EIF4G3: variants seen among roughly 807,000 people sequenced by gnomAD.
EIF4G3 encodes eukaryotic translation initiation factor 4 gamma 3.
EIF4G3 carries 34 observed loss-of-function variants against 186.4 expected under a neutral mutation model. The ratio of observed to expected loss-of-function variants is 0.18; its 90% confidence interval spans 0.14 to 0.24. The LOEUF is 0.24. EIF4G3 is among the 10% of genes least tolerant of loss of function. EIF4G3 has a pLI of 1.00. For missense variants in EIF4G3, 1,536 were observed against 1,948.5 expected, an observed-to-expected ratio of 0.79 and a Z score of 3.99; for synonymous variants, 673 against 679.5, an observed-to-expected ratio of 0.99 and a Z score of 0.15.
At chr1:21,079,701 A>C (rs1027169788) in intron 3 of EIF4G3, among the ~76,000 whole-genome samples, 3 of 151,460 alleles carry the variant, frequency 2.0e-5, no homozygotes, top group Non-Finnish European at 4.4e-5. Flanking sequence ...AAAAAAAAAA[A>C]AACTCATGAA....
At chr1:20,923,380 C>CT (rs2154560182) in intron 14 of EIF4G3, among the ~76,000 whole-genome samples, 1 of 152,216 alleles carries the variant, frequency 6.6e-6, no homozygotes, top group South Asian at 2.1e-4. Context: ...TTCTAGGCCT[C>CT]TGTTTTTACT....
intron 15 of EIF4G3, among the ~76,000 whole-genome samples, chr1:20,904,403 T>C (rs2154557186): frequency 6.6e-6 from 1 of 152,300 alleles, no homozygotes; most frequent in South Asian, 2.1e-4. Flanking sequence ...TGGAGTGCAG[T>C]GGCATGATCA....
chr1:21,113,783 A>G (rs2096769701), intron 2 of EIF4G3, among the ~76,000 whole-genome samples: 1 of 152,170 alleles, frequency 6.6e-6, no homozygotes, highest in African/African-American at 2.4e-5. Flanking sequence ...TGGGAGGCTG[A>G]GGCAGGAGGA....
intron 3 of EIF4G3, among the ~76,000 whole-genome samples, chr1:21,084,231 T>TAAA (rs763945357): frequency 1.5e-5 from 2 of 131,254 alleles, no homozygotes; most frequent in East Asian, 2.1e-4. Flanking sequence ...CTGTGTAATT[T>TAAA]AAAAAAAAAA....
chr1:20,945,662 C>T (rs1469123683), intron 13 of EIF4G3, among the ~76,000 whole-genome samples: 8 of 152,076 alleles, frequency 5.3e-5, no homozygotes, highest in East Asian at 1.9e-4. Context: ...GACAGGGTAT[C>T]GCTATGTTAC....
intron 2 of EIF4G3, among the ~76,000 whole-genome samples, chr1:21,110,443 C>T (rs1259192396): frequency 6.6e-6 from 1 of 152,070 alleles, no homozygotes; most frequent in African/African-American, 2.4e-5. Context: ...TACAGGAGCA[C>T]ATCGCCACGC....
intron 20 of EIF4G3, among the ~76,000 whole-genome samples, chr1:20,870,447 T>C (rs1433046141): frequency 6.6e-6 from 1 of 152,122 alleles, no homozygotes; most frequent in Middle Eastern, 3.2e-3. Context: ...AAGAAACTCA[T>C]TCAAGTTGGT....
At chr1:20,829,808 T>C (rs2154547730) in intron 30 of EIF4G3, among the ~76,000 whole-genome samples, 2 of 152,332 alleles carry the variant, frequency 1.3e-5, no homozygotes, top group Middle Eastern at 6.8e-3. Context: ...CTATCATCAT[T>C]ATTACATGTT....
At chr1:20,901,178 T>C (rs905437367) in intron 15 of EIF4G3, among the ~76,000 whole-genome samples, 3 of 152,024 alleles carry the variant, frequency 2.0e-5, no homozygotes, top group African/African-American at 7.2e-5. Context: ...ACAGACATAA[T>C]ATTCCAAAAA....
At chr1:21,082,861 AC>A in intron 3 of EIF4G3, among the ~76,000 whole-genome samples, 1 of 151,278 alleles carries the variant, frequency 6.6e-6, no homozygotes, top group South Asian at 2.1e-4. Flanking sequence ...ACACGGTGAA[AC>A]CCCGTTTCTA....
chr1:21,140,157 T>C (rs2097312680), intron 2 of EIF4G3, among the ~76,000 whole-genome samples: 1 of 152,208 alleles, frequency 6.6e-6, no homozygotes, highest in Non-Finnish European at 1.5e-5. Flanking sequence ...AAATACAGTA[T>C]TCTCTAGACA....
chr1:20,851,418 T>C lies in EIF4G3; in HGVS notation c.3612A>G (p.Pro1204=), dbSNP rs1324059328. Reference sequence around the variant, plus strand: ...TGCTGCCACCCCTCATGAAAGTATTTGGCCGAGCTGTTGCAGATGGAAGGG... The same window carrying C: ...TGCTGCCACCCCTCATGAAAGTATTCGGCCGAGCTGTTGCAGATGGAAGGG... ...DKPLPSATAR[P]NTFMRGGSSK... Residue 1204 remains proline (P), a synonymous_variant, in exon 28 of 37, where the codon CCA becomes CCG. Transcript: ENST00000602326. 2 of 1,614,134 alleles carry C rather than the reference T, an allele frequency of 1.2e-6. No homozygotes were observed. The highest frequency in any genetic ancestry group is 1.7e-6 in the Non-Finnish European group (2 of 1,180,022).
At chr1:21,113,354 G>A (rs2096761077) in intron 2 of EIF4G3, among the ~76,000 whole-genome samples, 1 of 151,686 alleles carries the variant, frequency 6.6e-6, no homozygotes, top group African/African-American at 2.4e-5. Flanking sequence ...ACAGAAGAAT[G>A]AATTCTTACA....
intron 14 of EIF4G3, among the ~76,000 whole-genome samples, chr1:20,913,973 A>G (rs186186950): frequency 1.1e-3 from 171 of 150,906 alleles, no homozygotes; most frequent in Non-Finnish European, 2.0e-3. Context: ...CGCCTGGATA[A>G]TTTTTTTTGT....
intron 30 of EIF4G3, among the ~76,000 whole-genome samples, chr1:20,840,586 G>A (rs2068255176): frequency 6.6e-6 from 1 of 152,096 alleles, no homozygotes; most frequent in Admixed American, 6.5e-5. Context: ...TGAGGCTAAG[G>A]GGTCTCTGTT....
intron 2 of EIF4G3, among the ~76,000 whole-genome samples, chr1:21,133,543 G>C (rs1285622048): frequency 6.6e-6 from 1 of 152,076 alleles, no homozygotes; most frequent in Non-Finnish European, 1.5e-5. Flanking sequence ...CTTTCTTAAT[G>C]ACTGTTGTCT....
At chr1:20,928,691 G>A (rs1476326883) in intron 14 of EIF4G3, among the ~76,000 whole-genome samples, 3 of 152,094 alleles carry the variant, frequency 2.0e-5, no homozygotes, top group South Asian at 2.1e-4. Flanking sequence ...GAGCCACCAC[G>A]CCAGGCCCCT....
chr1:21,131,380 T>C (rs1283957535), intron 2 of EIF4G3, among the ~76,000 whole-genome samples: 2 of 134,620 alleles, frequency 1.5e-5, no homozygotes, highest in Non-Finnish European at 3.1e-5. Context: ...AATATATGTA[T>C]AACTGGATTC....
Position 21,170,298 on chromosome 1 carries a change from C to A in EIF4G3, c.-272+5877G>T, listed in dbSNP as rs555912928. Among the ~76,000 whole-genome samples, 4 of 152,290 alleles carry A rather than the reference C, an allele frequency of 2.6e-5. No homozygotes were observed. In the South Asian group the frequency reaches 8.3e-4, roughly 32 times the overall value. ...CACAGTGAACAAAATAAACAAAAAT[C>A]TCTGCCTTCATGGAGTTTACATTCT... On this transcript the variant is annotated intron_variant, in intron 2 of 36. Transcript: ENST00000602326.
Sources: allele counts gnomAD v4.1 joint callset (sites outside exome capture counted in the v4.1 genomes callset), GRCh38; gene constraint gnomAD v4.1.1; transcripts MANE v1.5; gene names NCBI Gene and HGNC (gene_info 2026-07-23, HGNC 2026-07-21).